NDUFAF2: variants seen among roughly 807,000 people sequenced by gnomAD.
The protein encoded by NDUFAF2 is NADH:ubiquinone oxidoreductase complex assembly factor 2.
Under a neutral mutation model 22.8 loss-of-function variants are expected in NDUFAF2, and 13 were observed. The ratio of observed to expected loss-of-function variants is 0.57; its 90% confidence interval spans 0.37 to 0.91. NDUFAF2 has a LOEUF of 0.91. Ranked by LOEUF, NDUFAF2 falls within the 40% of genes least tolerant of loss-of-function variation. NDUFAF2 has a pLI of 0.01. For synonymous variants in NDUFAF2, 53 were observed against 64.2 expected, an observed-to-expected ratio of 0.83 and a Z score of 0.84; for missense variants, 162 against 195.2, an observed-to-expected ratio of 0.83 and a Z score of 1.01.
At position 60,945,924 on chromosome 5, in the gene NDUFAF2, C is replaced by G. The variant is rs80039161; in HGVS notation, c.127+542C>G. On this transcript the variant is annotated intron_variant, in intron 1 of 3. Transcript: ENST00000296597. ...TGGCACCCTGGCTCCGGCGCTGGCC[C>G]CATGCGCCTTCCTTACTACCAAGAC... is the stretch of plus-strand genomic sequence containing the variant. 1.5e-4 allele frequency among the ~76,000 whole-genome samples: 23 copies of G among 152,266 alleles called. No homozygotes were observed. The East Asian group carries it at 4.4e-3, about 29-fold the overall frequency.
chr5:61,149,587 T>A (rs1165907899), intron 3 of NDUFAF2, among the ~76,000 whole-genome samples: 3 of 152,090 alleles, frequency 2.0e-5, no homozygotes, highest in African/African-American at 7.2e-5. Context: ...TTCAGCCATC[T>A]TTTTTTTAAA....
intron 3 of NDUFAF2, among the ~76,000 whole-genome samples, chr5:61,102,066 A>C (rs1752710971): frequency 6.6e-6 from 1 of 152,184 alleles, no homozygotes; most frequent in Non-Finnish European, 1.5e-5. Context: ...GATGATGCTG[A>C]TGCTGATGGT....
In NDUFAF2 at chr5:60,945,315, G is replaced by A. The variant is rs158921; in HGVS notation, c.60G>A (p.Lys20=). 0.58 allele frequency: 900,379 copies of A among 1,547,454 alleles called. 241,732 individuals are homozygous for A. Among genetic ancestry groups the A allele is most frequent in the East Asian group, 0.93 (41,081 of 43,984 alleles). Residue 20 remains lysine, a synonymous_variant, in exon 1 of 4, where the codon AAG becomes AAA. Coordinates refer to ENST00000296597, the MANE Select transcript of NDUFAF2 (RefSeq NM_174889.5). ...GGAGATCGCTGTCAAGGGAAGTGAA[G>A]GAGCACGTGGGCACGGACCAATTCG... ...ALWRSLSREV[K]EHVGTDQFGN...
At chr5:60,963,889 A>G (rs368753990) in intron 1 of NDUFAF2, among the ~76,000 whole-genome samples, 29 of 152,302 alleles carry the variant, frequency 1.9e-4, no homozygotes, top group African/African-American at 6.7e-4. Context: ...CAAAGACTTG[A>G]AGGGAGTGAG....
chr5:61,040,282 A>ACGCGCGCGCG (rs1263125156), intron 1 of NDUFAF2, among the ~76,000 whole-genome samples: 7 of 84,102 alleles, frequency 8.3e-5, no homozygotes, highest in East Asian at 5.7e-4. Context: ...ACACACACAC[A>ACGCGCGCGCG]CACACGCGCG....
At chr5:61,127,438 A>C (rs879588633) in intron 3 of NDUFAF2, among the ~76,000 whole-genome samples, 3 of 152,182 alleles carry the variant, frequency 2.0e-5, no homozygotes, top group African/African-American at 7.2e-5. Flanking sequence ...CTTATCCACC[A>C]TGATCAAGTG....
intron 3 of NDUFAF2, chr5:61,114,960 G>A (rs1276803216): frequency 6.6e-6 from 1 of 152,426 alleles, no homozygotes; most frequent in Non-Finnish European, 1.5e-5. Flanking sequence ...CAGTGAGCAG[G>A]TGATGAAGCC....
At chr5:61,095,828 C>T (rs532835013) in intron 2 of NDUFAF2, among the ~76,000 whole-genome samples, 1 of 152,278 alleles carries the variant, frequency 6.6e-6, no homozygotes, top group South Asian at 2.1e-4. Context: ...CCAGGGTGGG[C>T]TGTTGTGCTG....
chr5:61,073,288 T>A, intron 2 of NDUFAF2, 74 bp downstream of exon 2: 1 of 1,080,018 alleles, frequency 9.3e-7, no homozygotes, highest in Non-Finnish European at 1.4e-6. Context: ...TAAGAGCATA[T>A]ATAGTTATAT....
chr5:60,979,331 G>A (rs1750945209), intron 1 of NDUFAF2, among the ~76,000 whole-genome samples: 1 of 152,182 alleles, frequency 6.6e-6, no homozygotes, highest in Non-Finnish European at 1.5e-5. Context: ...CTCAGCCACA[G>A]CAGGGTAGAG....
At chr5:61,093,401 A>G (rs1028970279) in intron 2 of NDUFAF2, among the ~76,000 whole-genome samples, 2 of 152,322 alleles carry the variant, frequency 1.3e-5, no homozygotes, top group Admixed American at 1.3e-4. Context: ...GATTTGTCAT[A>G]TATGGCTCTT....
intron 1 of NDUFAF2, among the ~76,000 whole-genome samples, chr5:61,015,867 A>T (rs1481854769): frequency 6.6e-6 from 1 of 152,060 alleles, no homozygotes; most frequent in East Asian, 1.9e-4. Flanking sequence ...TAACAATTAG[A>T]TGTGTGGCTA....
chr5:61,040,284 A>ACACACACACACACGCGCG (rs1554080863), intron 1 of NDUFAF2, among the ~76,000 whole-genome samples: 1 of 87,248 alleles, frequency 1.1e-5, no homozygotes, highest in Admixed American at 1.1e-4. Flanking sequence ...ACACACACAC[A>ACACACACACACACGCGCG]CACGCGCGCG....
intron 1 of NDUFAF2, among the ~76,000 whole-genome samples, chr5:60,950,440 CT>C (rs1289554303): frequency 1.3e-5 from 2 of 152,104 alleles, no homozygotes; most frequent in African/African-American, 4.8e-5. Flanking sequence ...CCACCTTGGC[CT>C]CCTAAAGTGC....
At chr5:61,002,764 T>G (rs1751313700) in intron 1 of NDUFAF2, among the ~76,000 whole-genome samples, 2 of 152,152 alleles carry the variant, frequency 1.3e-5, no homozygotes, top group African/African-American at 4.8e-5. Flanking sequence ...TCAATGTCAT[T>G]TTAGGTACTG....
intron 3 of NDUFAF2, among the ~76,000 whole-genome samples, chr5:61,128,791 T>A (rs1753069590): frequency 6.6e-6 from 1 of 151,882 alleles, no homozygotes; most frequent in South Asian, 2.1e-4. Flanking sequence ...AAGCCAAAAT[T>A]GACAAATGGG....
At chr5:60,992,188 T>C (rs1751167580) in intron 1 of NDUFAF2, among the ~76,000 whole-genome samples, 2 of 152,250 alleles carry the variant, frequency 1.3e-5, no homozygotes, top group South Asian at 4.1e-4. Flanking sequence ...ATATATACTC[T>C]GGTTATTAAT....
At chr5:61,037,757 C>G (rs978589086) in intron 1 of NDUFAF2, among the ~76,000 whole-genome samples, 4 of 151,866 alleles carry the variant, frequency 2.6e-5, no homozygotes, top group African/African-American at 7.3e-5. Flanking sequence ...TTCTATAAAA[C>G]ATATCTTTGG....
intron 1 of NDUFAF2, among the ~76,000 whole-genome samples, chr5:61,026,486 A>C (rs1751651589): frequency 6.6e-6 from 1 of 152,052 alleles, no homozygotes; most frequent in Non-Finnish European, 1.5e-5. Flanking sequence ...GTTTATCTTT[A>C]CTATTTAAAC....
Sources: gnomAD v4.1 joint callset for allele counts (sites outside exome capture counted in the v4.1 genomes callset) on GRCh38, gnomAD v4.1.1 for gene constraint, MANE v1.5 for transcripts, NCBI Gene and HGNC (gene_info 2026-07-23, HGNC 2026-07-21) for gene names.